The following NMBR variants were observed in gnomAD, a reference collection of about 807,000 sequenced individuals.
NMBR encodes neuromedin B receptor, also known as neuromedin-B receptor.
NMBR carries 16 observed loss-of-function variants against 20.5 expected under a neutral mutation model. The ratio of observed to expected loss-of-function variants is 0.78; its 90% CI spans 0.53 to 1.19. The LOEUF is 1.19. Among genes scored for constraint, NMBR ranks in the 50% most tolerant of loss-of-function variants. The pLI, the probability that NMBR is intolerant of heterozygous loss-of-function variation, is 0.00. For missense variants in NMBR, 582 were observed against 499.1 expected, an observed-to-expected ratio of 1.17 and a Z score of -1.58; for synonymous variants, 212 against 196.6, an observed-to-expected ratio of 1.08 and a Z score of -0.65.
At chr6:142,093,235 T>C (rs1217227007) in intron 1 of NMBR, among the ~76,000 whole-genome samples, 1 of 151,704 alleles carries the variant, frequency 6.6e-6, no homozygotes, top group Non-Finnish European at 1.5e-5. Context: ...ATGTGCCATG[T>C]TGGTGTGCTG....
chr6:142,140,370 A>G (rs1468443421), intron 1 of NMBR, among the ~76,000 whole-genome samples: 1 of 152,134 alleles, frequency 6.6e-6, no homozygotes, highest in Non-Finnish European at 1.5e-5. Context: ...TTTAAGTTGT[A>G]TATTATAAAA....
Position 142,075,586 on chromosome 6 carries a change from T to G in NMBR, c.*62A>C. The stretch of plus-strand genomic sequence containing the variant: ...AGCTAAGCAACAGCAAGTTCTGATC[T>G]GCCGAATAGGAATTTTAACAGTTAC... On this transcript the variant is annotated 3_prime_UTR_variant, in exon 4 of 4. Coordinates refer to ENST00000258042, the MANE Select transcript of NMBR (RefSeq NM_002511.4). 4 of 1,467,620 alleles carry G rather than the reference T, an allele frequency of 2.7e-6. No individual in the cohort carries two copies. Among genetic ancestry groups the G allele is most frequent in the Non-Finnish European group, 3.7e-6 (4 of 1,093,438 alleles). 90.9% of individuals were successfully genotyped at this position (1,467,620 alleles called of 1,614,324 possible).
intron 1 of NMBR, among the ~76,000 whole-genome samples, chr6:142,139,732 C>G (rs1174117852): frequency 6.6e-6 from 1 of 152,130 alleles, no homozygotes; most frequent in Non-Finnish European, 1.5e-5. Flanking sequence ...AATTCACTAC[C>G]GACCTACTAT....
intron 3 of NMBR, among the ~76,000 whole-genome samples, chr6:142,076,401 A>C (rs1776950012): frequency 6.6e-6 from 1 of 152,192 alleles, no homozygotes; most frequent in Non-Finnish European, 1.5e-5. Flanking sequence ...TAAATTAATA[A>C]ACCATAGAAT....
At chr6:142,119,896 AATCATTTT>A (rs1777915966) in intron 1 of NMBR, among the ~76,000 whole-genome samples, 1 of 151,986 alleles carries the variant, frequency 6.6e-6, no homozygotes, top group African/African-American at 2.4e-5. Flanking sequence ...TTTAAGTATA[AATCATTTT>A]AAGTATAAAG....
intron 1 of NMBR, among the ~76,000 whole-genome samples, chr6:142,127,710 A>C (rs1314767439): frequency 6.6e-6 from 1 of 151,480 alleles, no homozygotes; most frequent in African/African-American, 2.4e-5. Flanking sequence ...TCTTTGGTTC[A>C]GTTAATTCCT....
intron 1 of NMBR, among the ~76,000 whole-genome samples, chr6:142,124,616 C>G (rs527439041): frequency 6.6e-6 from 1 of 151,804 alleles, no homozygotes; most frequent in African/African-American, 2.4e-5. Flanking sequence ...GATGGCATAT[C>G]CCCCGCCAAA....
rs190010568 is a variant in NMBR, at chr6:142,075,131, C to T, written c.*517G>A. Among the ~76,000 whole-genome samples the T allele has an allele frequency of 4.8e-3, 731 of 151,156 alleles. 4 individuals are homozygous for T. The highest frequency in any genetic ancestry group is 7.3e-3 in the Non-Finnish European group (495 of 67,834). ...ATATACACACACACACACACTCATG[C>T]AATAGTTGTGAATTGAATGAAATTC... On this transcript the variant is annotated 3_prime_UTR_variant, in exon 4 of 4. Coordinates refer to ENST00000258042, the MANE Select transcript of NMBR (RefSeq NM_002511.4).
At chr6:142,137,759 G>T (rs2114612718) in intron 1 of NMBR, among the ~76,000 whole-genome samples, 1 of 152,140 alleles carries the variant, frequency 6.6e-6, no homozygotes, top group African/African-American at 2.4e-5. Flanking sequence ...TAATCATGTG[G>T]TTTTTGTCTT....
At position 142,078,593 on chromosome 6, in the gene NMBR, T is replaced by G. The variant is rs543641531; in HGVS notation, c.733A>C (p.Asn245His). 1.9e-5 allele frequency: 30 copies of G among 1,609,234 alleles called. No homozygotes were observed. The South Asian group carries it at 3.2e-4, about 17-fold the overall frequency. ...TGTTCATTGTATTCTCCAGGAAGAT[T>G]GTGTGCGCTTTTAATTAAGGTCTTT... Reference protein sequence around the residue: ...IAKTLIKSAHNLPGEYNEHTK... With the variant: ...IAKTLIKSAHHLPGEYNEHTK... The change falls in exon 3 of 4, where the codon AAT becomes CAT. Residue 245 changes from asparagine to histidine, a missense_variant. Asn to His is a moderately conservative substitution (Grantham distance 68). Coordinates refer to ENST00000258042, the MANE Select transcript of NMBR (RefSeq NM_002511.4).
Position 142,074,497 on chromosome 6 carries a change from TAG to T in NMBR, c.*1149_*1150del, listed in dbSNP as rs549840200. ...GTATGAAATATATTGATTTAAATGTTAGATTTATTGATACATGCTTTTAAAAA... is the reference window on the plus strand; with the variant it reads ...GTATGAAATATATTGATTTAAATGTTATTTATTGATACATGCTTTTAAAAA... On this transcript the variant is annotated 3_prime_UTR_variant, in exon 4 of 4. Coordinates refer to ENST00000258042, the MANE Select transcript of NMBR (RefSeq NM_002511.4). Among the ~76,000 whole-genome samples the T allele has an allele frequency of 1.7e-4, 26 of 152,318 alleles. No homozygotes were observed. In the South Asian group the frequency reaches 5.4e-3, roughly 32 times the overall value.
chr6:142,085,169 G>A (rs922095482), intron 2 of NMBR, among the ~76,000 whole-genome samples: 1 of 152,160 alleles, frequency 6.6e-6, no homozygotes, highest in Non-Finnish European at 1.5e-5. Context: ...CACAAAAGCT[G>A]TTGCCTAGGG....
At chr6:142,128,085 A>C (rs989314686) in intron 1 of NMBR, among the ~76,000 whole-genome samples, 2 of 152,040 alleles carry the variant, frequency 1.3e-5, no homozygotes. Context: ...TTTCCACCTC[A>C]GTGTTGCTCT....
At chr6:142,091,330 C>T (rs958416844) in intron 1 of NMBR, among the ~76,000 whole-genome samples, 1 of 152,132 alleles carries the variant, frequency 6.6e-6, no homozygotes, top group East Asian at 1.9e-4. Context: ...TCAAACAATT[C>T]TCCTGCCTCA....
At chr6:142,080,817 C>T (rs1178051194) in intron 2 of NMBR, among the ~76,000 whole-genome samples, 2 of 152,098 alleles carry the variant, frequency 1.3e-5, no homozygotes, top group Non-Finnish European at 1.5e-5. Flanking sequence ...GTTATCACTA[C>T]AAAAAGATCA....
intron 1 of NMBR, among the ~76,000 whole-genome samples, chr6:142,119,474 T>C (rs962700543): frequency 1.3e-5 from 2 of 152,050 alleles, no homozygotes; most frequent in South Asian, 4.1e-4. Flanking sequence ...GTGTGAAGGA[T>C]TGCCAAGGAC....
chr6:142,091,387 C>A (rs1582842035), intron 1 of NMBR, among the ~76,000 whole-genome samples: 1 of 152,068 alleles, frequency 6.6e-6, no homozygotes, highest in South Asian at 2.1e-4. Context: ...CCATGCCTGG[C>A]TAACTTTTTT....
chr6:142,132,602 A>C (rs575778276), intron 1 of NMBR, among the ~76,000 whole-genome samples: 2 of 152,326 alleles, frequency 1.3e-5, no homozygotes, highest in African/African-American at 4.8e-5. Flanking sequence ...CTGTGTTAAC[A>C]ATTTCTTAGG....
chr6:142,143,786 GA>G lies in NMBR; in HGVS notation c.-664+3257del, dbSNP rs34970004. On this transcript the variant is annotated intron_variant, in intron 1 of 3. Coordinates refer to ENST00000258042, the MANE Select transcript of NMBR (RefSeq NM_002511.4). ...CCAACACAATTTTGCAAAAGCAAAG[GA>G]AAAAAAAAAAACAGACAGAGGACTT... is the stretch of plus-strand genomic sequence containing the variant. 3.0e-3 allele frequency among the ~76,000 whole-genome samples: 431 copies of G among 145,094 alleles called. 4 individuals are homozygous for G. Among genetic ancestry groups the G allele is most frequent in the African/African-American group, 9.5e-3 (372 of 39,170 alleles).
Sources: allele counts gnomAD v4.1 joint callset (sites outside exome capture counted in the v4.1 genomes callset), GRCh38; gene constraint gnomAD v4.1.1; transcripts MANE v1.5; gene names NCBI Gene and HGNC (gene_info 2026-07-23, HGNC 2026-07-21).